TMEM175: variants seen among roughly 807,000 people sequenced by gnomAD.
TMEM175 encodes the protein endosomal/lysosomal proton channel TMEM175.
TMEM175 carries 36 observed loss-of-function variants against 36.5 expected under a neutral mutation model. The ratio of observed to expected loss-of-function variants is 0.99; its 90% confidence interval spans 0.76 to 1.30. The LOEUF (loss-of-function observed/expected upper bound fraction) is 1.30. Among genes scored for constraint, TMEM175 ranks in the 50% most tolerant of loss-of-function variants. The pLI, the probability that TMEM175 is intolerant of heterozygous loss-of-function variation, is 0.00. For missense variants in TMEM175, 705 were observed against 692.8 expected, an observed-to-expected ratio of 1.02 and a Z score of -0.20; for synonymous variants, 339 against 313.4, an observed-to-expected ratio of 1.08 and a Z score of -0.86.
chr4:957,218 T>C (rs1729795415), intron 10 of TMEM175, among the ~76,000 whole-genome samples: 1 of 151,724 alleles, frequency 6.6e-6, no homozygotes, highest in Admixed American at 6.6e-5. Flanking sequence ...GACAGAAGTC[T>C]GTCTGGGGCT....
At chr4:948,895 G>C (rs71604332) in intron 3 of TMEM175, among the ~76,000 whole-genome samples, 1 of 152,248 alleles carries the variant, frequency 6.6e-6, no homozygotes, top group African/African-American at 2.4e-5. Flanking sequence ...GAGCTGCTTA[G>C]AGTTCGGCTT....
intron 10 of TMEM175, chr4:956,488 G>C (rs1729672645): frequency 7.9e-7 from 1 of 1,269,828 alleles, no homozygotes. Context: ...TGTCGCCCAG[G>C]CTGGAGTATA....
At position 941,731 on chromosome 4, in the gene TMEM175, C is replaced by T. The variant is rs906438474; in HGVS notation, c.-31-5978C>T. 3.9e-5 allele frequency among the ~76,000 whole-genome samples: 6 copies of T among 151,990 alleles called. No homozygotes were observed. In the East Asian group the frequency reaches 5.9e-4, roughly 15 times the overall value. The stretch of plus-strand genomic sequence containing the variant: ...GATTACAGGAGTGAGCCACCGCGCC[C>T]GGCCTCTGCTAAGTTTTTCTATAAA... On this transcript the variant is annotated intron_variant, in intron 1 of 10. Coordinates refer to ENST00000264771, the MANE Select transcript of TMEM175 (RefSeq NM_032326.4).
chr4:946,830 G>C (rs1314742736), intron 1 of TMEM175, among the ~76,000 whole-genome samples: 1 of 152,070 alleles, frequency 6.6e-6, no homozygotes, highest in Non-Finnish European at 1.5e-5. Context: ...GGAGAGCGCG[G>C]CCCCTGTAGG....
At chr4:951,003 G>T (rs1728822982) in intron 4 of TMEM175, among the ~76,000 whole-genome samples, 1 of 152,082 alleles carries the variant, frequency 6.6e-6, no homozygotes, top group African/African-American at 2.4e-5. Flanking sequence ...GATGGTGCAG[G>T]GTGTGGATGG....
At chr4:951,895 G>C in intron 6 of TMEM175, 178 bp downstream of exon 6, 1 of 675,602 alleles carries the variant, frequency 1.5e-6, no homozygotes, top group Non-Finnish European at 2.5e-6. Flanking sequence ...TCAGGCTGGC[G>C]GGGAGGGGAG....
chr4:945,764 G>A (rs925365079), intron 1 of TMEM175, among the ~76,000 whole-genome samples: 1 of 151,978 alleles, frequency 6.6e-6, no homozygotes, highest in Admixed American at 6.6e-5. Context: ...GTCACCTCCC[G>A]CTGGTGCTGA....
chr4:956,093 C>A, intron 10 of TMEM175: 1 of 803,258 alleles, frequency 1.2e-6, no homozygotes, highest in Non-Finnish European at 1.9e-6. Context: ...CCAGCGGCCC[C>A]TCCCTTCCCA....
chr4:943,650 C>A (rs1468868924), intron 1 of TMEM175, among the ~76,000 whole-genome samples: 3 of 152,166 alleles, frequency 2.0e-5, no homozygotes, highest in African/African-American at 7.2e-5. Context: ...GCAGCTGCCT[C>A]GGCAAATTGT....
At chr4:937,053 TC>T (rs1726877074) in intron 1 of TMEM175, among the ~76,000 whole-genome samples, 1 of 152,062 alleles carries the variant, frequency 6.6e-6, no homozygotes, top group Admixed American at 6.6e-5. Flanking sequence ...TATCTAACCA[TC>T]TTTTTTTTTT....
intron 1 of TMEM175, among the ~76,000 whole-genome samples, chr4:940,739 G>A (rs558024883): frequency 6.6e-6 from 1 of 152,188 alleles, no homozygotes; most frequent in South Asian, 2.1e-4. Context: ...CAGACATGGT[G>A]GCTCATGCCT....
intron 1 of TMEM175, among the ~76,000 whole-genome samples, chr4:947,138 GC>G (rs1183354071): frequency 6.8e-6 from 1 of 146,050 alleles, no homozygotes; most frequent in African/African-American, 2.6e-5. Flanking sequence ...GGAGAGCGCA[GC>G]CCCTGTAGGA....
At chr4:943,084 A>G (rs1727723580) in intron 1 of TMEM175, among the ~76,000 whole-genome samples, 1 of 152,220 alleles carries the variant, frequency 6.6e-6, no homozygotes, top group South Asian at 2.1e-4. Context: ...TGACATTACA[A>G]ACAACTCAGT....
At chr4:935,247 A>C (rs1726661123) in intron 1 of TMEM175, among the ~76,000 whole-genome samples, 2 of 152,206 alleles carry the variant, frequency 1.3e-5, no homozygotes, top group Admixed American at 1.3e-4. Flanking sequence ...GCATTGAAGT[A>C]GATGCTATAG....
chr4:939,872 T>C (rs6851795), intron 1 of TMEM175, among the ~76,000 whole-genome samples: 49,792 of 152,070 alleles, frequency 0.33, 8,334 homozygotes, highest in Non-Finnish European at 0.36. Context: ...ACTAAAAGCT[T>C]GATCCCATGA....
rs964037786 is a variant in TMEM175 at position 932,469 on chromosome 4, G to T, written c.-103G>T. The T allele has an allele frequency of 8.7e-5, 43 of 495,826 alleles. No individual in the cohort carries two copies. Among genetic ancestry groups the T allele is most frequent in the Non-Finnish European group, 1.4e-4 (40 of 294,772 alleles). The allele number at this position is 495,826 out of a possible 1,614,324, so 30.7% of individuals were successfully genotyped here. On this transcript the variant is annotated 5_prime_UTR_variant, in exon 1 of 11. Transcript: ENST00000264771. The surrounding 1 kb of genome is among the most constrained non-coding windows in gnomAD (Gnocchi z 4.0). ...TCGCCGGGCTTGCGATGAACTTCCG[G>T]CTGTCAAGCTCCCGGCCGGGCTGAC...
chr4:933,527 T>C (rs1726358750), intron 1 of TMEM175, among the ~76,000 whole-genome samples: 1 of 152,102 alleles, frequency 6.6e-6, no homozygotes, highest in South Asian at 2.1e-4. Context: ...GTTAAAAACC[T>C]AGTTTTCCAG....
At chr4:933,832 A>G (rs537316003) in intron 1 of TMEM175, among the ~76,000 whole-genome samples, 152 of 152,346 alleles carry the variant, frequency 1.0e-3, no homozygotes, top group South Asian at 3.1e-3. Context: ...TGGAACACTT[A>G]TCTATGTTAT....
Position 953,348 on chromosome 4 carries a change from C to T in TMEM175, c.621C>T (p.Val207=). ...CGGCCATCTTCTCTCTCTTCTTTGT[C>T]CCCTTGGTGAGTGCTGGGACAGCCC... The part of the protein sequence containing the change: ...FAAAIFSLFF[V]PLSYLLMVTV... Residue 207 remains valine, a synonymous_variant, in exon 8 of 11, where the codon GTC becomes GTT. Transcript: ENST00000264771. The T allele has an allele frequency of 6.2e-7, 1 of 1,611,220 alleles. No homozygotes were observed. The highest frequency in any genetic ancestry group is 1.7e-4 in the Middle Eastern group (1 of 6,046).
Sources: allele counts gnomAD v4.1 joint callset (sites outside exome capture counted in the v4.1 genomes callset), GRCh38; gene constraint gnomAD v4.1.1; non-coding constraint Gnocchi (gnomAD v3.1); transcripts MANE v1.5; gene names NCBI Gene and HGNC (gene_info 2026-07-23, HGNC 2026-07-21).